Variants in R3HDML observed in about 807,000 individuals in gnomAD.
R3HDML encodes R3H domain containing like, also known as peptidase inhibitor R3HDML.
Under a neutral mutation model 24.2 loss-of-function variants are expected in R3HDML, and 21 were observed. That is an observed-to-expected ratio of 0.87 (90% confidence interval 0.62 to 1.25). The LOEUF is 1.25. R3HDML is among the 50% of genes most tolerant of loss of function. R3HDML has a pLI of 0.00. For synonymous variants in R3HDML, 133 were observed against 131.5 expected (o/e 1.01, Z -0.08); for missense variants, 301 against 340.3 (o/e 0.88, Z 0.91).
Position 44,337,049 on chromosome 20 carries a change from T to TG in R3HDML, c.-106dup. The TG allele has an allele frequency of 7.3e-7, 1 of 1,376,558 alleles. No homozygotes were observed. The highest frequency in any genetic ancestry group is 9.8e-7 in the Non-Finnish European group (1 of 1,022,494). The allele number at this position is 1,376,558 out of a possible 1,614,324, so 85.3% of individuals were successfully genotyped here. ...CAAGTTCCCAGGAGGCAGCATCCTC[T>TG]GGGTCGGCACTGTTGGAGAACGCTC... is the stretch of plus-strand genomic sequence containing the variant. On this transcript the variant is annotated 5_prime_UTR_variant, in exon 1 of 5. Coordinates refer to ENST00000217043, the MANE Select transcript of R3HDML (RefSeq NM_178491.4). This position sits in a 1 kb window ranked among gnomAD's most constrained non-coding sequence, Gnocchi z 4.7.
chr20:44,338,891 G>A (rs930347333), intron 1 of R3HDML, among the ~76,000 whole-genome samples: 1 of 152,004 alleles, frequency 6.6e-6, no homozygotes, highest in Non-Finnish European at 1.5e-5. Flanking sequence ...GGCCAACATG[G>A]TGAAACCCAG....
At position 44,350,719 on chromosome 20, in the gene R3HDML, C is replaced by G. The variant is rs1437512617; in HGVS notation, c.689C>G (p.Pro230Arg). ...KMGKPCSSCP[P>R]SYQGSCNSNM... ...GGAAAGCCGTGCTCCTCCTGTCCCC[C>G]CAGTTATCAAGGCAGCTGCAATAGC... is the stretch of plus-strand genomic sequence containing the variant. The change falls in exon 5 of 5, where the codon CCC becomes CGC. Residue 230 changes from proline (P) to arginine (R), a missense_variant. By Grantham distance (103) the Pro-to-Arg change is moderately radical (BLOSUM62 -2). Transcript: ENST00000217043. 12 of 1,613,944 alleles carry G rather than the reference C, an allele frequency of 7.4e-6. No homozygotes were observed. Among genetic ancestry groups the G allele is most frequent in the Non-Finnish European group, 1.0e-5 (12 of 1,180,016 alleles).
chr20:44,342,314 T>A (rs2062774293), intron 2 of R3HDML, among the ~76,000 whole-genome samples: 1 of 152,060 alleles, frequency 6.6e-6, no homozygotes, highest in Admixed American at 6.6e-5. Flanking sequence ...CAGTGGAAAT[T>A]CAGGGCCCTG....
chr20:44,347,773 A>G (rs552249273), intron 4 of R3HDML: 2 of 152,224 alleles, frequency 1.3e-5, no homozygotes, highest in East Asian at 3.9e-4. Context: ...CAAATTCCAA[A>G]TTCTTTCTAT....
chr20:44,348,527 CT>C (rs1568678510), intron 4 of R3HDML, among the ~76,000 whole-genome samples: 1 of 92,308 alleles, frequency 1.1e-5, no homozygotes, highest in Non-Finnish European at 2.5e-5. Context: ...TTCTTTTCTT[CT>C]GTCCAGCTCT....
rs765038917 is a variant in R3HDML at position 44,341,283 on chromosome 20, G to A, written c.349G>A (p.Val117Met). ...AHGPSQLMRY[V>M]GQNLSIHSGQ... The stretch of plus-strand genomic sequence containing the variant: ...TGGGCCTTCACAGCTGATGAGATAC[G>A]TGGGCCAGAACCTCTCCATCCATTC... The change falls in exon 2 of 5, where the codon GTG becomes ATG. Residue 117 changes from valine (V) to methionine (M), a missense_variant. Val to Met is a conservative substitution (Grantham distance 21). Transcript: ENST00000217043. The A allele has an allele frequency of 2.4e-5, 38 of 1,614,004 alleles. No homozygotes were observed. The highest frequency in any genetic ancestry group is 1.7e-5 in the Non-Finnish European group (20 of 1,179,970).
At chr20:44,348,503 T>A (rs2062796974) in intron 4 of R3HDML, among the ~76,000 whole-genome samples, 1 of 121,164 alleles carries the variant, frequency 8.3e-6, no homozygotes, top group South Asian at 2.5e-4. Context: ...TCCTTTCCTT[T>A]CCTTTCCTTT....
intron 3 of R3HDML, 192 bp from the exon 4 acceptor site, chr20:44,345,071 G>T: frequency 5.1e-6 from 3 of 590,720 alleles, no homozygotes; most frequent in Non-Finnish European, 9.0e-6. Context: ...CCTTACTGTT[G>T]GTTGTAATAA....
chr20:44,345,987 T>C (rs1225715939), intron 4 of R3HDML, among the ~76,000 whole-genome samples: 2 of 151,900 alleles, frequency 1.3e-5, no homozygotes, highest in Non-Finnish European at 2.9e-5. Context: ...GCCCAGCTAA[T>C]TGTTGTATTT....
rs1568675076 is a variant in R3HDML at position 44,337,881 on chromosome 20, T to C, written c.261+463T>C. Among the ~76,000 whole-genome samples, 1 of 152,194 alleles carries C rather than the reference T, an allele frequency of 6.6e-6. No homozygotes were observed. Among genetic ancestry groups the C allele is most frequent in the Non-Finnish European group, 1.5e-5 (1 of 68,034 alleles). On this transcript the variant is annotated intron_variant, in intron 1 of 4. Transcript: ENST00000217043. This position sits in a 1 kb window ranked among gnomAD's most constrained non-coding sequence, Gnocchi z 4.7. ...CATGGGGTGCGTGGCTGGTGCTTTC[T>C]ATGCTATTGTCTCTTTACCCTAAGG...
intron 4 of R3HDML, among the ~76,000 whole-genome samples, chr20:44,345,915 G>T (rs1422248218): frequency 1.3e-5 from 2 of 151,786 alleles, no homozygotes; most frequent in Non-Finnish European, 2.9e-5. Context: ...CACTTCCCAG[G>T]TTCAAGCAAT....
Position 44,350,803 on chromosome 20 carries a change from G to C in R3HDML, c.*11G>C, listed in dbSNP as rs1006381718. The C allele has an allele frequency of 2.5e-6, 4 of 1,613,550 alleles. No individual in the cohort carries two copies. The highest frequency in any genetic ancestry group is 3.4e-6 in the Non-Finnish European group (4 of 1,179,760). ...TTCACGTGGTTCTGAATTTTCTCTGGGCTTTGGTGCGCCTCCAGCTGGGCC... is the reference window on the plus strand; with the variant it reads ...TTCACGTGGTTCTGAATTTTCTCTGCGCTTTGGTGCGCCTCCAGCTGGGCC... On this transcript the variant is annotated 3_prime_UTR_variant, in exon 5 of 5. Transcript: ENST00000217043.
intron 4 of R3HDML, among the ~76,000 whole-genome samples, chr20:44,349,008 G>A (rs2062799973): frequency 1.3e-5 from 2 of 151,842 alleles, no homozygotes; most frequent in South Asian, 2.1e-4. Context: ...AAAATTAGTC[G>A]GGCATGGAGG....
At chr20:44,341,137 C>A in intron 1 of R3HDML, 59 bp from the exon 2 acceptor site, 1 of 1,404,428 alleles carries the variant, frequency 7.1e-7, no homozygotes, top group Non-Finnish European at 1.0e-6. Context: ...CATCTCTGGA[C>A]ACAGTTGTGA....
chr20:44,350,309 T>C (rs2062805690), intron 4 of R3HDML, among the ~76,000 whole-genome samples: 2 of 151,734 alleles, frequency 1.3e-5, no homozygotes, highest in African/African-American at 4.8e-5. Context: ...AGTCCAGAAG[T>C]TTGAGACCAG....
At chr20:44,350,126 T>A (rs1000027733) in intron 4 of R3HDML, among the ~76,000 whole-genome samples, 4 of 151,978 alleles carry the variant, frequency 2.6e-5, no homozygotes, top group African/African-American at 9.7e-5. Flanking sequence ...AGCCACTAAT[T>A]AACTAGGCAC....
At chr20:44,343,817 C>CA (rs2062778750) in intron 3 of R3HDML, among the ~76,000 whole-genome samples, 1 of 151,518 alleles carries the variant, frequency 6.6e-6, no homozygotes, top group Non-Finnish European at 1.5e-5. Flanking sequence ...GTCCCCCCCG[C>CA]AAAAAATTAA....
chr20:44,347,615 G>A (rs1765041395), intron 4 of R3HDML: 1 of 152,090 alleles, frequency 6.6e-6, no homozygotes, highest in Admixed American at 6.6e-5. Flanking sequence ...TTGAAGAGAT[G>A]AAAGAAAGAA....
rs1037269097 is a variant in R3HDML, at chr20:44,339,577, A to ATG, written c.262-1618_262-1617insGT. On this transcript the variant is annotated intron_variant, in intron 1 of 4. Coordinates refer to ENST00000217043, the MANE Select transcript of R3HDML (RefSeq NM_178491.4). ...AGAATATGCTGCCATTTGCCTATAT[A>ATG]TATGTGTGTGTGTGTGTGTGTGTGT... 5.1e-4 allele frequency among the ~76,000 whole-genome samples: 55 copies of ATG among 108,634 alleles called. 1 individual carries two copies. The South Asian group carries it at 0.017, about 34-fold the overall frequency. 71.3% of individuals were successfully genotyped at this position (108,634 alleles called of 152,430 possible).
Sources: allele counts gnomAD v4.1 joint callset (sites outside exome capture counted in the v4.1 genomes callset), GRCh38; gene constraint gnomAD v4.1.1; non-coding constraint Gnocchi (gnomAD v3.1); transcripts MANE v1.5; gene names NCBI Gene and HGNC (gene_info 2026-07-23, HGNC 2026-07-21).